Variants in FXYD7 observed in about 807,000 individuals in gnomAD.
FXYD7 encodes FXYD domain containing ion transport regulator 7, also known as FXYD domain-containing ion transport regulator 7.
Under a neutral mutation model 15.3 loss-of-function variants are expected in FXYD7, and 7 were observed. The observed-to-expected ratio is 0.46, with a 90% confidence interval of 0.26 to 0.86. FXYD7 has a LOEUF of 0.86. FXYD7 is among the 40% of genes least tolerant of loss of function. FXYD7 has a pLI of 0.16. For synonymous variants in FXYD7, 39 were observed against 39.3 expected, an observed-to-expected ratio of 0.99 and a Z score of 0.03; for missense variants, 78 against 100.6, an observed-to-expected ratio of 0.78 and a Z score of 0.96.
In FXYD7 at chr19:35,151,622, TGCCTCCACA is replaced by T; in HGVS notation, c.180-7_181del. ...TCTTTCTACTTTTCTCTCTCATCTCTGCCTCCACAGCCCAACCTGCAAATCCTGTAAGTC... is the reference window on the plus strand; with the variant it reads ...TCTTTCTACTTTTCTCTCTCATCTCTGCCCAACCTGCAAATCCTGTAAGTC... On this transcript the variant is annotated splice_acceptor_variant and splice_polypyrimidine_tract_variant and intron_variant, in intron 4 of 5. Coordinates refer to ENST00000270310, the MANE Select transcript of FXYD7 (RefSeq NM_022006.2). LOFTEE classifies it high-confidence loss of function. 1 of 1,612,060 alleles carries T rather than the reference TGCCTCCACA, an allele frequency of 6.2e-7. No homozygotes were observed. The highest frequency in any genetic ancestry group is 8.5e-7 in the Non-Finnish European group (1 of 1,178,158).
rs2065276663 is a variant in FXYD7, at chr19:35,143,446, A to G, written c.31+82A>G. On this transcript the variant is annotated intron_variant, in intron 1 of 5. Transcript: ENST00000270310. This position sits in a 1 kb window ranked among gnomAD's most constrained non-coding sequence, Gnocchi z 4.3. The stretch of plus-strand genomic sequence containing the variant: ...AGAGAGGGTGTCGGGAGATTCAAGC[A>G]ATGGTAAGGCAAGGGAGTTGGGGGA... The G allele has an allele frequency of 9.0e-7, 1 of 1,114,840 alleles. No individual in the cohort carries two copies. The highest frequency in any genetic ancestry group is 1.2e-6 in the Non-Finnish European group (1 of 811,158). 69.1% of individuals were successfully genotyped at this position (1,114,840 alleles called of 1,614,324 possible). A position where few individuals can be genotyped will look rare whatever the true frequency, so the allele number is the denominator to read the frequency against.
In FXYD7 at chr19:35,143,465, T is replaced by C. The variant is rs547926077; in HGVS notation, c.31+101T>C. 535 of 938,360 alleles carry C rather than the reference T, an allele frequency of 5.7e-4. 2 individuals carry two copies. Among genetic ancestry groups the C allele is most frequent in the African/African-American group, 3.7e-3 (211 of 57,026 alleles). The allele number at this position is 938,360 out of a possible 1,614,324, so 58.1% of individuals were successfully genotyped here. ...TCAAGCAATGGTAAGGCAAGGGAGT[T>C]GGGGGAGGGAGGTCCGCTCCTCCTG... On this transcript the variant is annotated intron_variant, in intron 1 of 5. Transcript: ENST00000270310. The surrounding 1 kb of genome is among the most constrained non-coding windows in gnomAD (Gnocchi z 4.3).
At chr19:35,151,018 G>C (rs569929775) in intron 2 of FXYD7, among the ~76,000 whole-genome samples, 37 of 152,212 alleles carry the variant, frequency 2.4e-4, no homozygotes, top group African/African-American at 8.7e-4. Context: ...AGGGTGGAAA[G>C]CGCAGGGGGA....
chr19:35,146,144 CT>C lies in FXYD7; in HGVS notation c.32-2539del, dbSNP rs200223844. On this transcript the variant is annotated intron_variant, in intron 1 of 5. Transcript: ENST00000270310. ...CCATCACAACTGGAAAATTAATCTTCTTTTTTTTTTTGAGACAGAGTCTCGC... is the reference window on the plus strand; with the variant it reads ...CCATCACAACTGGAAAATTAATCTTCTTTTTTTTTTGAGACAGAGTCTCGC... 2.2e-3 allele frequency among the ~76,000 whole-genome samples: 322 copies of C among 143,856 alleles called. 1 individual carries two copies. The highest frequency in any genetic ancestry group is 3.6e-3 in the Non-Finnish European group (236 of 65,168). The allele number at this position is 143,856 out of a possible 152,430, so 94.4% of individuals were successfully genotyped here. A position where few individuals can be genotyped will look rare whatever the true frequency, so the allele number is the denominator to read the frequency against.
At chr19:35,148,026 G>GGAAAGAAAGAAAGAAAGAAAGAGAAA (rs2065294815) in intron 1 of FXYD7, among the ~76,000 whole-genome samples, 1 of 88,492 alleles carries the variant, frequency 1.1e-5, no homozygotes, top group Admixed American at 1.3e-4. Context: ...GAAGAAAGAA[G>GGAAAGAAAGAAAGAAAGAAAGAGAAA]GAAAGAAAGA....
intron 1 of FXYD7, among the ~76,000 whole-genome samples, chr19:35,145,189 G>A (rs571117013): frequency 2.3e-4 from 35 of 152,238 alleles, no homozygotes; most frequent in African/African-American, 8.2e-4. Flanking sequence ...CTGGGGTGGC[G>A]GGACCTATCA....
chr19:35,151,798 A>T, intron 5 of FXYD7, 125 bp downstream of exon 5: 1 of 757,068 alleles, frequency 1.3e-6, no homozygotes, highest in East Asian at 2.5e-5. Context: ...GCCTGCAGAT[A>T]TCACAGGACA....
At chr19:35,151,776 AG>A (rs551902878) in intron 5 of FXYD7, 103 bp downstream of exon 5, 78 of 452,836 alleles carry the variant, frequency 1.7e-4, no homozygotes, top group East Asian at 3.3e-4. Context: ...CAGGGGGCGG[AG>A]GGGGGGTGGT....
intron 1 of FXYD7, among the ~76,000 whole-genome samples, chr19:35,144,596 CGG>C (rs1311780555): frequency 2.8e-5 from 4 of 143,546 alleles, no homozygotes; most frequent in Non-Finnish European, 6.0e-5. Flanking sequence ...TCCCAGCAGG[CGG>C]GGGCTGCTGC....
chr19:35,151,190 G>C (rs2065308277), intron 2 of FXYD7, 64 bp from the exon 3 acceptor site: 1 of 1,075,662 alleles, frequency 9.3e-7, no homozygotes, highest in Non-Finnish European at 1.5e-6. Flanking sequence ...CCAGAGCCAG[G>C]ACTGGGCTCC....
Position 35,148,703 on chromosome 19 carries a change from A to T in FXYD7, c.41A>T (p.Glu14Val), listed in dbSNP as rs1223424403. 6.3e-7 allele frequency: 1 copy of T among 1,583,380 alleles called. No homozygotes were observed. The highest frequency in any genetic ancestry group is 1.8e-5 in the Admixed American group (1 of 57,066). Residue 14 changes from glutamate (E) to valine (V), a missense_variant, in exon 2 of 6, where the codon GAA becomes GTA. Physicochemically the swap from Glu to Val is moderately radical, Grantham distance 121. Transcript: ENST00000270310. ...TGCTTCTTTCCCTCAGCTCCTGAGG[A>T]ACCTGACCCATTTTACTATGGTGAG... The part of the protein sequence containing the change: ...PTQTPTKAPE[E>V]PDPFYYDYNT...
intron 5 of FXYD7, among the ~76,000 whole-genome samples, 181 bp downstream of exon 5, chr19:35,151,854 C>A (rs1189564312): frequency 6.6e-6 from 1 of 151,980 alleles, no homozygotes; most frequent in Non-Finnish European, 1.5e-5. Context: ...AGATGCTAAA[C>A]CTGGCTGGGC....
At chr19:35,144,639 G>A (rs1252023629) in intron 1 of FXYD7, among the ~76,000 whole-genome samples, 1 of 147,916 alleles carries the variant, frequency 6.8e-6, no homozygotes, top group East Asian at 2.0e-4. Flanking sequence ...TCCGAAGCAG[G>A]GCGGGGGGTG....
chr19:35,152,134 CA>C (rs71167517), intron 5 of FXYD7, among the ~76,000 whole-genome samples: 4,466 of 44,922 alleles, frequency 0.099, 51 homozygotes, highest in African/African-American at 0.15. Context: ...GTGAGACTGT[CA>C]AAAAAAAAAA....
intron 1 of FXYD7, among the ~76,000 whole-genome samples, 160 bp from the exon 2 acceptor site, chr19:35,148,534 G>A (rs1225279114): frequency 6.6e-6 from 1 of 152,198 alleles, no homozygotes; most frequent in East Asian, 1.9e-4. Context: ...CCAGCCTTGC[G>A]GCCTGCCATG....
chr19:35,143,420 G>C lies in FXYD7; in HGVS notation c.31+56G>C. On this transcript the variant is annotated intron_variant, in intron 1 of 5. Transcript: ENST00000270310. This position sits in a 1 kb window ranked among gnomAD's most constrained non-coding sequence, Gnocchi z 4.3. ...GGGGCTCCGGGATCTGAGAGCCTAG[G>C]AGAGAGGGTGTCGGGAGATTCAAGC... 7.6e-7 allele frequency: 1 copy of C among 1,308,782 alleles called. No homozygotes were observed. Among genetic ancestry groups the C allele is most frequent in the Non-Finnish European group, 1.0e-6 (1 of 972,414 alleles). 81.1% of individuals were successfully genotyped at this position (1,308,782 alleles called of 1,614,324 possible). A position where few individuals can be genotyped will look rare whatever the true frequency, so the allele number is the denominator to read the frequency against.
At position 35,153,994 on chromosome 19, in the gene FXYD7, C is replaced by A. The variant is rs1481275251; in HGVS notation, c.*78C>A. 2.1e-6 allele frequency: 3 copies of A among 1,428,872 alleles called. No homozygotes were observed. The Admixed American group carries it at 5.2e-5, about 25-fold the overall frequency. The allele number at this position is 1,428,872 out of a possible 1,614,324, so 88.5% of individuals were successfully genotyped here. On this transcript the variant is annotated 3_prime_UTR_variant, in exon 6 of 6. Transcript: ENST00000270310. ...GGACCGGGTGGAGGCGGTGGGGACC[C>A]AGCCGCGCGCCGGGAGCGCTCCCCG...
intron 5 of FXYD7, 100 bp downstream of exon 5, chr19:35,151,773 C>CCTGGCCGCGGGGGGG: frequency 2.1e-6 from 1 of 470,722 alleles, no homozygotes; most frequent in African/African-American, 2.4e-5. Flanking sequence ...ACGCAGGGGG[C>CCTGGCCGCGGGGGGG]GGAGGGGGGG....
chr19:35,149,299 C>T, intron 2 of FXYD7: 1 of 335,628 alleles, frequency 3.0e-6, no homozygotes, highest in Non-Finnish European at 5.9e-6. Context: ...CATACTTTTT[C>T]CCTAGGTGTC....
Sources: gnomAD v4.1 joint callset for allele counts (sites outside exome capture counted in the v4.1 genomes callset) on GRCh38, gnomAD v4.1.1 for gene constraint, Gnocchi (gnomAD v3.1) non-coding constraint, MANE v1.5 for transcripts, NCBI Gene and HGNC (gene_info 2026-07-23, HGNC 2026-07-21) for gene names.